FBXL20: variants seen among roughly 807,000 people sequenced by gnomAD.
The protein encoded by FBXL20 is F-box and leucine rich repeat protein 20.
A neutral mutation model predicts 64.0 loss-of-function variants in FBXL20; 11 were observed. The observed-to-expected ratio is 0.17, with a 90% CI of 0.11 to 0.28. FBXL20 has a LOEUF of 0.28. Among genes scored for constraint, FBXL20 ranks in the 10% least tolerant of loss-of-function variants. The probability of loss-of-function intolerance (pLI) is 1.00; values close to 1 mark genes in which losing one functional copy is unlikely to be tolerated. For missense variants in FBXL20, 303 were observed against 526.2 expected (o/e 0.58, Z 4.15); for synonymous variants, 184 against 189.0 (o/e 0.97, Z 0.22).
intron 1 of FBXL20, among the ~76,000 whole-genome samples, chr17:39,344,299 TGAG>T (rs2047611176): frequency 6.8e-6 from 1 of 147,824 alleles, no homozygotes; most frequent in Non-Finnish European, 1.5e-5. Context: ...TGCAGTGAGC[TGAG>T]ATCACACCAC....
chr17:39,371,729 C>T (rs1198883827), intron 1 of FBXL20, among the ~76,000 whole-genome samples: 1 of 150,922 alleles, frequency 6.6e-6, no homozygotes, highest in Non-Finnish European at 1.5e-5. Flanking sequence ...GGCATGATCT[C>T]GGCTCACCAC....
chr17:39,368,724 T>C (rs1306965286), intron 1 of FBXL20, among the ~76,000 whole-genome samples: 1 of 152,068 alleles, frequency 6.6e-6, no homozygotes, highest in Non-Finnish European at 1.5e-5. Context: ...GGTGCAATCT[T>C]ACCTCACTGC....
chr17:39,299,119 C>A, intron 4 of FBXL20, 35 bp from the exon 5 acceptor site: 1 of 1,399,266 alleles, frequency 7.1e-7, no homozygotes, highest in Non-Finnish European at 1.0e-6. Flanking sequence ...AAAGATAACC[C>A]ACCTCATTAC....
intron 1 of FBXL20, among the ~76,000 whole-genome samples, chr17:39,389,104 C>CAAAAAA (rs752930971): frequency 2.7e-4 from 14 of 52,672 alleles, no homozygotes; most frequent in African/African-American, 5.0e-4. Context: ...AACTCCATCT[C>CAAAAAA]AAAAAAAAAA....
Position 39,301,035 on chromosome 17 carries a change from CG to C in FBXL20, c.199del (p.Arg67GlufsTer15). On this transcript the variant is annotated frameshift_variant, in exon 4 of 15. Transcript: ENST00000264658. LOFTEE classifies it high-confidence loss of function. The part of the protein sequence containing the change: ...VLALDGSNWQ[R>X]IDLFDFQRDI... The stretch of plus-strand genomic sequence containing the variant: ...CCTCTGGAAATCAAATAGGTCAATT[CG>C]CTGCCAGTTACTGCCATCCAGAGCC... The C allele has an allele frequency of 6.2e-7, 1 of 1,613,924 alleles. No homozygotes were observed. The highest frequency in any genetic ancestry group is 8.5e-7 in the Non-Finnish European group (1 of 1,179,996).
At chr17:39,338,425 G>A (rs4401075) in intron 2 of FBXL20, among the ~76,000 whole-genome samples, 24,337 of 151,960 alleles carry the variant, frequency 0.16, 2,616 homozygotes, top group East Asian at 0.24. Flanking sequence ...CCTCTGCCTA[G>A]GAAAACCAGA....
intron 1 of FBXL20, among the ~76,000 whole-genome samples, chr17:39,361,338 T>C (rs2047791638): frequency 1.3e-5 from 2 of 152,152 alleles, no homozygotes; most frequent in African/African-American, 4.8e-5. Flanking sequence ...GTTAGCTGAA[T>C]AGTTTGATAA....
chr17:39,271,597 CAAAAAAAAAAAAAAA>C (rs11362087), intron 10 of FBXL20, among the ~76,000 whole-genome samples: 121 of 50,788 alleles, frequency 2.4e-3, no homozygotes, highest in African/African-American at 1.0e-2. Flanking sequence ...GGCTCCGACT[CAAAAAAAAAAAAAAA>C]AAAAAAAAAA....
At position 39,281,611 on chromosome 17, in the gene FBXL20, A is replaced by G. The variant is rs180867349; in HGVS notation, c.622-148T>C. 170 of 595,450 alleles carry G rather than the reference A, an allele frequency of 2.9e-4. 3 individuals are homozygous for G. The South Asian group carries it at 3.1e-3, about 11-fold the overall frequency. 36.9% of individuals were successfully genotyped at this position (595,450 alleles called of 1,614,324 possible). On this transcript the variant is annotated intron_variant, in intron 8 of 14. Transcript: ENST00000264658. ...GAATCAGAAAATACGCTATGATCATATAACAGTATAATTCTTATTATGATT... is the reference window on the plus strand; with the variant it reads ...GAATCAGAAAATACGCTATGATCATGTAACAGTATAATTCTTATTATGATT...
At chr17:39,354,284 A>G (rs955338313) in intron 1 of FBXL20, among the ~76,000 whole-genome samples, 4 of 152,210 alleles carry the variant, frequency 2.6e-5, no homozygotes, top group African/African-American at 4.8e-5. Context: ...TTCTCCTCAA[A>G]CAAGCTCTTG....
At position 39,312,947 on chromosome 17, in the gene FBXL20, C is replaced by T. The variant is rs548537062; in HGVS notation, c.105-9308G>A. On this transcript the variant is annotated intron_variant, in intron 2 of 14. Coordinates refer to ENST00000264658, the MANE Select transcript of FBXL20 (RefSeq NM_032875.3). ...TTTTTTTTTTTTTTTGAGATGGAGG[C>T]GCATCCTGTTGCCCAGACTGGACTG... Among the ~76,000 whole-genome samples the T allele has an allele frequency of 2.0e-4, 25 of 124,990 alleles. No homozygotes were observed. In the East Asian group the frequency reaches 4.6e-3, roughly 23 times the overall value. 82.0% of individuals were successfully genotyped at this position (124,990 alleles called of 152,430 possible).
chr17:39,321,037 G>C (rs2047351038), intron 2 of FBXL20, among the ~76,000 whole-genome samples: 1 of 152,106 alleles, frequency 6.6e-6, no homozygotes, highest in African/African-American at 2.4e-5. Context: ...AAACTAGTAT[G>C]TATTTGTTAA....
At chr17:39,342,127 T>A (rs1053743038) in intron 2 of FBXL20, among the ~76,000 whole-genome samples, 1 of 151,998 alleles carries the variant, frequency 6.6e-6, no homozygotes, top group Non-Finnish European at 1.5e-5. Context: ...TCATGAGGGG[T>A]TTTGTAGGCC....
intron 1 of FBXL20, among the ~76,000 whole-genome samples, chr17:39,363,820 A>AAACAAAAAACAAAAAACAAAAAAC (rs1213818016): frequency 9.6e-6 from 1 of 104,012 alleles, no homozygotes; most frequent in African/African-American, 5.2e-5. Flanking sequence ...CAAAAAAAAA[A>AAACAAAAAACAAAAAACAAAAAAC]AAAAAACAAA....
chr17:39,316,133 A>C (rs986818637), intron 2 of FBXL20, among the ~76,000 whole-genome samples: 2 of 152,180 alleles, frequency 1.3e-5, no homozygotes, highest in African/African-American at 2.4e-5. Context: ...TCTGTTACAA[A>C]GGGAGATGTG....
chr17:39,335,327 T>C (rs578083779), intron 2 of FBXL20, among the ~76,000 whole-genome samples: 3 of 152,096 alleles, frequency 2.0e-5, no homozygotes, highest in African/African-American at 7.2e-5. Context: ...GATGTTAATC[T>C]GACTGGGTTG....
chr17:39,279,137 C>A (rs1156540495), intron 9 of FBXL20, among the ~76,000 whole-genome samples: 1 of 151,986 alleles, frequency 6.6e-6, no homozygotes, highest in African/African-American at 2.4e-5. Context: ...CAGCGAGACT[C>A]CGTCTCTAAA....
intron 1 of FBXL20, among the ~76,000 whole-genome samples, chr17:39,360,345 T>C (rs1324454190): frequency 6.6e-6 from 1 of 152,210 alleles, no homozygotes; most frequent in African/African-American, 2.4e-5. Flanking sequence ...TGAATGTACT[T>C]AATGTCACTG....
chr17:39,328,368 G>A (rs1345369358), intron 2 of FBXL20, among the ~76,000 whole-genome samples: 1 of 151,474 alleles, frequency 6.6e-6, no homozygotes, highest in Non-Finnish European at 1.5e-5. Flanking sequence ...CAAGGGAGGT[G>A]TAAGAAGGGT....
Sources: allele counts gnomAD v4.1 joint callset (sites outside exome capture counted in the v4.1 genomes callset), GRCh38; gene constraint gnomAD v4.1.1; transcripts MANE v1.5; gene names NCBI Gene and HGNC (gene_info 2026-07-23, HGNC 2026-07-21).